The following WDFY3 variants were observed in gnomAD, a reference collection of about 807,000 sequenced individuals.
WDFY3 encodes the protein WD repeat and FYVE domain containing 3, also known as WD repeat and FYVE domain-containing protein 3.
WDFY3 carries 66 observed loss-of-function variants against 409.6 expected under a neutral mutation model. The ratio of observed to expected loss-of-function variants is 0.16; its 90% CI spans 0.13 to 0.20. The LOEUF (loss-of-function observed/expected upper bound fraction) is 0.20. WDFY3 is among the 10% of genes least tolerant of loss of function. The pLI, the probability that WDFY3 is intolerant of heterozygous loss-of-function variation, is 1.00. For synonymous variants in WDFY3, 1,521 were observed against 1,537.1 expected, an observed-to-expected ratio of 0.99 and a Z score of 0.25; for missense variants, 3,031 against 4,298.1, an observed-to-expected ratio of 0.71 and a Z score of 8.24.
intron 3 of WDFY3, among the ~76,000 whole-genome samples, chr4:84,863,604 T>C (rs1047062426): frequency 6.6e-6 from 1 of 152,216 alleles, no homozygotes; most frequent in Non-Finnish European, 1.5e-5. Flanking sequence ...GAGTCCCTTA[T>C]GTACTTAAAT....
chr4:84,861,008 C>T (rs1312834044), intron 3 of WDFY3, among the ~76,000 whole-genome samples: 3 of 151,980 alleles, frequency 2.0e-5, no homozygotes, highest in African/African-American at 4.8e-5. Context: ...CTCAGGAGCT[C>T]GAGACCAGCC....
chr4:84,806,301 G>C (rs1751494530), intron 15 of WDFY3, among the ~76,000 whole-genome samples: 1 of 152,160 alleles, frequency 6.6e-6, no homozygotes, highest in Non-Finnish European at 1.5e-5. Flanking sequence ...AAGCTGAATA[G>C]AATGGCAACC....
chr4:84,961,084 G>A (rs1030747220), intron 1 of WDFY3, among the ~76,000 whole-genome samples: 1 of 151,896 alleles, frequency 6.6e-6, no homozygotes, highest in Admixed American at 6.6e-5. Flanking sequence ...GCGTGGTGGC[G>A]GATGCCTGTA....
chr4:84,820,991 G>T, intron 11 of WDFY3, 93 bp downstream of exon 11: 1 of 1,239,600 alleles, frequency 8.1e-7, no homozygotes, highest in Non-Finnish European at 1.1e-6. Flanking sequence ...GGAAGTCATT[G>T]AAATCAATAA....
rs76808019 is a variant in WDFY3 at position 84,895,367 on chromosome 4, A to C, written c.-32+1544T>G. On this transcript the variant is annotated intron_variant, in intron 3 of 67. Coordinates refer to ENST00000295888, the MANE Select transcript of WDFY3 (RefSeq NM_014991.6). ...AAGGCAGTTAACTATCAATAGAGAA[A>C]GTAACATCTGAACTAAGCCTTAGAA... Among the ~76,000 whole-genome samples, 48 of 152,356 alleles carry C rather than the reference A, an allele frequency of 3.2e-4. No individual in the cohort carries two copies. In the East Asian group the frequency reaches 8.5e-3, roughly 27 times the overall value.
At position 84,888,453 on chromosome 4, in the gene WDFY3, A is replaced by G; in HGVS notation, c.-32+8458T>C. On this transcript the variant is annotated intron_variant, in intron 3 of 67. Coordinates refer to ENST00000295888, the MANE Select transcript of WDFY3 (RefSeq NM_014991.6). Reference sequence around the variant, plus strand: ...AATGAGAAAATGAGATAATAACTTTAGAAAAAAACTCCAATATCAAGAGTA... The same window carrying G: ...AATGAGAAAATGAGATAATAACTTTGGAAAAAAACTCCAATATCAAGAGTA... 1.3e-5 allele frequency among the ~76,000 whole-genome samples: 2 copies of G among 152,338 alleles called. 1 individual carries two copies. Among genetic ancestry groups the G allele is most frequent in the South Asian group, 4.1e-4 (2 of 4,830 alleles).
intron 2 of WDFY3, among the ~76,000 whole-genome samples, chr4:84,927,679 G>GT (rs1157724901): frequency 3.3e-5 from 5 of 152,096 alleles, no homozygotes; most frequent in African/African-American, 1.2e-4. Flanking sequence ...GGATCTGATG[G>GT]TTTTATAAGT....
chr4:84,709,193 C>T, intron 52 of WDFY3, 100 bp downstream of exon 52: 1 of 1,394,612 alleles, frequency 7.2e-7, no homozygotes, highest in Non-Finnish European at 9.8e-7. Flanking sequence ...AACATTTTCT[C>T]TATGGTATAT....
At chr4:84,878,759 T>G (rs1763109310) in intron 3 of WDFY3, among the ~76,000 whole-genome samples, 1 of 152,186 alleles carries the variant, frequency 6.6e-6, no homozygotes, top group Non-Finnish European at 1.5e-5. Context: ...AATTTCCCAG[T>G]GTACTCATGT....
intron 21 of WDFY3, among the ~76,000 whole-genome samples, chr4:84,794,041 T>C (rs1448543992): frequency 6.6e-6 from 1 of 152,210 alleles, no homozygotes; most frequent in Non-Finnish European, 1.5e-5. Context: ...TACAGCACTG[T>C]AAAGTCATGG....
At position 84,751,526 on chromosome 4, in the gene WDFY3, G is replaced by A. The variant is rs1032197690; in HGVS notation, c.5930C>T (p.Thr1977Ile). The A allele has an allele frequency of 1.2e-6, 2 of 1,614,082 alleles. No homozygotes were observed. The highest frequency in any genetic ancestry group is 1.7e-6 in the Non-Finnish European group (2 of 1,180,038). ...TAGTGGAGTTTGCTTGCTGGCAGGA[G>A]TGAGACAGAGGTTGTCTATGATTAA... ...RVLIIDNLCL[T>I]PASKQTPLID... Residue 1977 changes from threonine to isoleucine, a missense_variant, in exon 36 of 68, where the codon ACT becomes ATT. Physicochemically the swap from Thr to Ile is moderately conservative, Grantham distance 89 (BLOSUM62 -1). Coordinates refer to ENST00000295888, the MANE Select transcript of WDFY3 (RefSeq NM_014991.6).
intron 6 of WDFY3, among the ~76,000 whole-genome samples, chr4:84,838,875 T>A (rs1756949325): frequency 6.6e-6 from 1 of 152,226 alleles, no homozygotes; most frequent in Non-Finnish European, 1.5e-5. Context: ...TATGCCCCAT[T>A]ATTAAATATT....
intron 32 of WDFY3, among the ~76,000 whole-genome samples, chr4:84,757,790 G>GA (rs1261641003): frequency 6.6e-6 from 1 of 152,096 alleles, no homozygotes; most frequent in African/African-American, 2.4e-5. Flanking sequence ...TCATTGTCCT[G>GA]AAAATCATGA....
intron 1 of WDFY3, among the ~76,000 whole-genome samples, chr4:84,964,688 A>T (rs988897541): frequency 1.3e-4 from 19 of 147,644 alleles, no homozygotes; most frequent in Admixed American, 7.5e-4. Context: ...TTTTTGAAAC[A>T]TTTTTTTTTT....
intron 4 of WDFY3, 136 bp from the exon 5 acceptor site, chr4:84,850,161 G>C (rs1184889667): frequency 1.2e-6 from 1 of 862,398 alleles, no homozygotes; most frequent in East Asian, 2.9e-5. Context: ...ATCTTAATAT[G>C]TTGAAAATAC....
chr4:84,719,810 T>C (rs1734545276), intron 47 of WDFY3, among the ~76,000 whole-genome samples: 1 of 152,220 alleles, frequency 6.6e-6, no homozygotes, highest in African/African-American at 2.4e-5. Flanking sequence ...CCCCAGTTCC[T>C]AGAAGCCTCT....
intron 53 of WDFY3, among the ~76,000 whole-genome samples, chr4:84,705,862 C>A (rs1463110714): frequency 6.6e-6 from 1 of 152,154 alleles, no homozygotes; most frequent in African/African-American, 2.4e-5. Flanking sequence ...GACACAATAG[C>A]TCCAATTCAT....
chr4:84,793,470 A>G (rs576161638), intron 21 of WDFY3, among the ~76,000 whole-genome samples: 1 of 152,360 alleles, frequency 6.6e-6, no homozygotes, highest in South Asian at 2.1e-4. Context: ...AAAAAGACTT[A>G]AAGCAATACT....
In WDFY3 at chr4:84,860,480, G is replaced by T. The variant is rs367561807; in HGVS notation, c.112C>A (p.Pro38Thr). The T allele has an allele frequency of 2.5e-6, 4 of 1,614,104 alleles. No individual in the cohort carries two copies. The African/African-American group carries it at 5.3e-5, about 22-fold the overall frequency. The change falls in exon 4 of 68, where the codon CCT becomes ACT. Residue 38 changes from proline (P) to threonine (T), a missense_variant. Pro to Thr is a conservative substitution (Grantham distance 38). Around this residue, in one of 16 missense-constraint regions of WDFY3, gnomAD observed 1,322 missense variants for 1,697.9 expected, o/e 0.78. Coordinates refer to ENST00000295888, the MANE Select transcript of WDFY3 (RefSeq NM_014991.6). ...TCCTTCTGAGTCATGTGCCGGGGAG[G>T]ATGGCACAACTCCGTGAAGAGCCGG... ...LRRLFTELCH[P>T]PRHMTQKEQE...
Sources: gnomAD v4.1 joint callset for allele counts (sites outside exome capture counted in the v4.1 genomes callset) on GRCh38, gnomAD v4.1.1 for gene constraint, gnomAD v4.1.1 regional missense constraint, MANE v1.5 for transcripts, NCBI Gene and HGNC (gene_info 2026-07-23, HGNC 2026-07-21) for gene names.